The following FHIT variants were observed in gnomAD, a reference collection of about 807,000 sequenced individuals.
The protein encoded by FHIT is fragile histidine triad diadenosine triphosphatase.
FHIT carries 19 observed loss-of-function variants against 17.9 expected under a neutral mutation model. The ratio of observed to expected loss-of-function variants is 1.06; its 90% CI spans 0.74 to 1.56. The LOEUF (loss-of-function observed/expected upper bound fraction) is 1.56. Ranked by LOEUF, FHIT falls within the 40% of genes most tolerant of loss-of-function variation. The pLI, the probability that FHIT is intolerant of heterozygous loss-of-function variation, is 0.00. For missense variants in FHIT, 248 were observed against 189.2 expected (o/e 1.31, Z -1.82); for synonymous variants, 81 against 69.7 (o/e 1.16, Z -0.81).
intron 8 of FHIT, among the ~76,000 whole-genome samples, chr3:59,833,659 A>G (rs111902313): frequency 0.013 from 2,024 of 152,272 alleles, 22 homozygotes; most frequent in South Asian, 0.023. Flanking sequence ...TTACCAACAG[A>G]TCCCATGGAA....
rs114501337 is a variant in FHIT, at chr3:60,451,253, T to G, written c.103+85607A>C. Among the ~76,000 whole-genome samples the G allele has an allele frequency of 1.3e-3, 196 of 152,230 alleles. 1 individual carries two copies. The highest frequency in any genetic ancestry group is 4.6e-3 in the African/African-American group (191 of 41,546). On this transcript the variant is annotated intron_variant, in intron 5 of 9. Transcript: ENST00000492590. Reference sequence around the variant, plus strand: ...TCAGAAATCTTTACCCTTTTGCTTTTTGGGAAACGTCCTAAGCCACGAAAA... The same window carrying G: ...TCAGAAATCTTTACCCTTTTGCTTTGTGGGAAACGTCCTAAGCCACGAAAA...
chr3:61,157,071 C>T (rs2037554211), intron 2 of FHIT, among the ~76,000 whole-genome samples: 1 of 152,104 alleles, frequency 6.6e-6, no homozygotes, highest in African/African-American at 2.4e-5. Flanking sequence ...ACAGACTAAA[C>T]ATAAATTTTG....
rs373470496 is a variant in FHIT, at chr3:59,943,283, AT to A, written c.280-20870del. On this transcript the variant is annotated intron_variant, in intron 7 of 9. Coordinates refer to ENST00000492590, the MANE Select transcript of FHIT (RefSeq NM_002012.4). ...CACCATTTGCAGGTTGACAGAGTCA[AT>A]TTTTTTTTTAAACCTGGGCTCAAAG... 5.4e-3 allele frequency among the ~76,000 whole-genome samples: 814 copies of A among 150,324 alleles called. 5 individuals carry two copies. Among genetic ancestry groups the A allele is most frequent in the African/African-American group, 0.018 (758 of 41,046 alleles).
chr3:60,607,719 T>C (rs2038652212), intron 4 of FHIT, among the ~76,000 whole-genome samples: 1 of 152,166 alleles, frequency 6.6e-6, no homozygotes, highest in Non-Finnish European at 1.5e-5. Context: ...GTTTTCATTT[T>C]GTACTAATTT....
At chr3:60,024,785 A>G (rs1289858531) in intron 5 of FHIT, among the ~76,000 whole-genome samples, 1 of 152,236 alleles carries the variant, frequency 6.6e-6, no homozygotes, top group African/African-American at 2.4e-5. Context: ...GATCTTCAGG[A>G]AAGAGTGCAG....
intron 2 of FHIT, among the ~76,000 whole-genome samples, chr3:61,082,494 T>C (rs72877847): frequency 0.01 from 1,576 of 152,342 alleles, 21 homozygotes; most frequent in African/African-American, 0.035. Flanking sequence ...ACCATTCAGA[T>C]TGAGTTCCAT....
chr3:61,001,326 G>A (rs1023647887), intron 3 of FHIT, among the ~76,000 whole-genome samples: 5 of 152,100 alleles, frequency 3.3e-5, no homozygotes, highest in Non-Finnish European at 5.9e-5. Context: ...ACAGAGAAAC[G>A]AAAACTCATA....
chr3:60,555,831 A>G (rs1436157856), intron 4 of FHIT, among the ~76,000 whole-genome samples: 1 of 152,154 alleles, frequency 6.6e-6, no homozygotes, highest in Non-Finnish European at 1.5e-5. Context: ...ACGTGGTTCC[A>G]TTGTTCAGGC....
At chr3:60,569,757 T>TATATA (rs1449802542) in intron 4 of FHIT, among the ~76,000 whole-genome samples, 70 of 21,664 alleles carry the variant, frequency 3.2e-3, no homozygotes, top group African/African-American at 4.9e-3. Flanking sequence ...ATATATATAT[T>TATATA]TTTTTTTTTT....
intron 4 of FHIT, among the ~76,000 whole-genome samples, 152 bp downstream of exon 4, chr3:60,821,767 A>C (rs1701938096): frequency 6.6e-6 from 1 of 152,206 alleles, no homozygotes; most frequent in South Asian, 2.1e-4. Context: ...AAAGAGGGTA[A>C]ATTCTCCAAG....
intron 8 of FHIT, among the ~76,000 whole-genome samples, chr3:59,854,371 C>T (rs1221796392): frequency 2.0e-5 from 3 of 152,222 alleles, no homozygotes; most frequent in South Asian, 2.1e-4. Context: ...ATTGTGCTTA[C>T]GTCGCATGTG....
intron 5 of FHIT, among the ~76,000 whole-genome samples, chr3:60,328,530 C>G (rs1234555911): frequency 6.6e-6 from 1 of 152,118 alleles, no homozygotes; most frequent in Non-Finnish European, 1.5e-5. Context: ...AACAGGAGAA[C>G]AGCATAGGAA....
intron 5 of FHIT, among the ~76,000 whole-genome samples, chr3:60,234,546 A>G (rs1704671164): frequency 6.6e-6 from 1 of 152,128 alleles, no homozygotes; most frequent in South Asian, 2.1e-4. Context: ...CGAGCAGGAG[A>G]TTTTGCTAAA....
intron 3 of FHIT, among the ~76,000 whole-genome samples, chr3:60,999,685 C>T (rs2030929168): frequency 6.6e-6 from 1 of 151,616 alleles, no homozygotes; most frequent in Non-Finnish European, 1.5e-5. Flanking sequence ...GGGATCAACA[C>T]CTGCAGAAGG....
At chr3:60,096,373 T>C (rs1348907636) in intron 5 of FHIT, among the ~76,000 whole-genome samples, 1 of 151,948 alleles carries the variant, frequency 6.6e-6, no homozygotes, top group African/African-American at 2.4e-5. Flanking sequence ...GGGCAGGCAG[T>C]AGGTAGTACT....
At chr3:60,923,782 A>C (rs1006445919) in intron 3 of FHIT, among the ~76,000 whole-genome samples, 1 of 152,300 alleles carries the variant, frequency 6.6e-6, no homozygotes, top group Admixed American at 6.5e-5. Context: ...CGAGAAGCAC[A>C]AGGGGTCAGA....
intron 4 of FHIT, among the ~76,000 whole-genome samples, chr3:60,622,446 T>A (rs2039160751): frequency 6.6e-6 from 1 of 152,084 alleles, no homozygotes; most frequent in Admixed American, 6.5e-5. Flanking sequence ...CTAACACACT[T>A]AAGAGAGAGA....
intron 5 of FHIT, among the ~76,000 whole-genome samples, chr3:60,480,561 AC>A (rs1473568374): frequency 6.6e-6 from 1 of 152,228 alleles, no homozygotes; most frequent in Non-Finnish European, 1.5e-5. Flanking sequence ...ATGGGGATAT[AC>A]AGGCATTGGG....
chr3:60,616,660 G>A (rs1321936058), intron 4 of FHIT, among the ~76,000 whole-genome samples: 1 of 152,100 alleles, frequency 6.6e-6, no homozygotes, highest in African/African-American at 2.4e-5. Flanking sequence ...ATAAAACTTT[G>A]CTGAAAGAAA....
Sources: allele counts gnomAD v4.1 joint callset (sites outside exome capture counted in the v4.1 genomes callset), GRCh38; gene constraint gnomAD v4.1.1; transcripts MANE v1.5; gene names NCBI Gene and HGNC (gene_info 2026-07-23, HGNC 2026-07-21).